PTP4A2: variants seen among roughly 807,000 people sequenced by gnomAD.
The protein encoded by PTP4A2 is protein tyrosine phosphatase type IVA 2.
Under a neutral mutation model 22.9 loss-of-function variants are expected in PTP4A2, and 2 were observed. That is an observed-to-expected ratio of 0.09 (90% CI 0.04 to 0.27). The LOEUF is 0.27. Among genes scored for constraint, PTP4A2 ranks in the 10% least tolerant of loss-of-function variants. The pLI is 1.00. For missense variants in PTP4A2, 103 were observed against 205.1 expected (o/e 0.50, Z 3.04); for synonymous variants, 68 against 69.1 (o/e 0.98, Z 0.08).
chr1:31,933,426 T>A (rs531520545), intron 1 of PTP4A2, among the ~76,000 whole-genome samples: 2 of 152,328 alleles, frequency 1.3e-5, no homozygotes, highest in South Asian at 4.1e-4. Flanking sequence ...CTGCTATCTA[T>A]TTATTGATAA....
chr1:31,932,225 A>G (rs1463189627), intron 1 of PTP4A2, among the ~76,000 whole-genome samples: 1 of 152,254 alleles, frequency 6.6e-6, no homozygotes, highest in East Asian at 1.9e-4. Flanking sequence ...ATTTTATGCC[A>G]AAAGAATTAA....
At chr1:31,918,459 G>A (rs1329124247) in intron 2 of PTP4A2, among the ~76,000 whole-genome samples, 1 of 152,146 alleles carries the variant, frequency 6.6e-6, no homozygotes, top group Non-Finnish European at 1.5e-5. Context: ...AATATCTGAA[G>A]TACATACAGA....
chr1:31,907,036 G>C lies in PTP4A2; in HGVS notation c.*1816C>G, dbSNP rs1252460324. The C allele has an allele frequency of 6.6e-6, 1 of 152,180 alleles. No individual in the cohort carries two copies. Among genetic ancestry groups the C allele is most frequent in the Admixed American group, 6.5e-5 (1 of 15,272 alleles). The allele number at this position is 152,180 out of a possible 1,614,324, so 9.4% of individuals were successfully genotyped here. ...TTTTGTTTTGTTTTCTGGGATGGGA[G>C]AGGAGAGAATCTACAGATTTGCGTT... On this transcript the variant is annotated 3_prime_UTR_variant, in exon 6 of 6. Transcript: ENST00000647444.
In PTP4A2 at chr1:31,926,144, A is replaced by AT. The variant is rs1182146912; in HGVS notation, c.-593-6487_-593-6486insA. 7.8e-5 allele frequency among the ~76,000 whole-genome samples: 11 copies of AT among 140,706 alleles called. 1 individual carries two copies. The highest frequency in any genetic ancestry group is 1.6e-4 in the African/African-American group (6 of 37,200). The allele number at this position is 140,706 out of a possible 152,430, so 92.3% of individuals were successfully genotyped here. On this transcript the variant is annotated intron_variant, in intron 1 of 5. Transcript: ENST00000647444. ...TTCCGTTTCAAAAAATTAAAAAAAA[A>AT]AAAAAATATATATATATATATATAT...
chr1:31,917,947 CAA>C (rs56791050), intron 2 of PTP4A2, among the ~76,000 whole-genome samples: 19,368 of 81,346 alleles, frequency 0.24, 1,736 homozygotes, highest in East Asian at 0.39. Flanking sequence ...CACTCCGTCT[CAA>C]AAAAAAAAAA....
At chr1:31,932,269 T>C (rs532814747) in intron 1 of PTP4A2, among the ~76,000 whole-genome samples, 15 of 152,264 alleles carry the variant, frequency 9.9e-5, no homozygotes, top group Admixed American at 6.5e-4. Flanking sequence ...AAATAAAAAA[T>C]ACTATGAGAG....
At chr1:31,915,085 C>A (rs796871671) in intron 3 of PTP4A2, among the ~76,000 whole-genome samples, 52 of 152,262 alleles carry the variant, frequency 3.4e-4, no homozygotes, top group African/African-American at 1.2e-3. Flanking sequence ...ATGGAAATTA[C>A]TTTCATTATA....
At chr1:31,928,411 A>T (rs184846411) in intron 1 of PTP4A2, among the ~76,000 whole-genome samples, 65 of 151,804 alleles carry the variant, frequency 4.3e-4, no homozygotes, top group Admixed American at 8.5e-4. Context: ...GTTAAAAAAA[A>T]TTTTTTGGCC....
intron 1 of PTP4A2, among the ~76,000 whole-genome samples, chr1:31,922,704 C>T (rs966076862): frequency 5.9e-5 from 9 of 151,702 alleles, no homozygotes; most frequent in African/African-American, 2.2e-4. Context: ...TCATGGCTCA[C>T]CGCAGCCTCA....
intron 1 of PTP4A2, among the ~76,000 whole-genome samples, chr1:31,927,044 T>C (rs542250578): frequency 1.6e-4 from 25 of 152,234 alleles, no homozygotes; most frequent in African/African-American, 6.0e-4. Flanking sequence ...GACAATGGAA[T>C]GAATAGAGTC....
At chr1:31,935,379 C>T (rs1339267204) in intron 1 of PTP4A2, among the ~76,000 whole-genome samples, 1 of 152,160 alleles carries the variant, frequency 6.6e-6, no homozygotes, top group African/African-American at 2.4e-5. Context: ...CCTAAATGAT[C>T]CCCTTGCCTC....
intron 3 of PTP4A2, among the ~76,000 whole-genome samples, chr1:31,912,631 G>A (rs554057741): frequency 1.4e-4 from 22 of 152,268 alleles, no homozygotes; most frequent in African/African-American, 5.3e-4. Flanking sequence ...AACACAAATG[G>A]GGAGTGGAGG....
chr1:31,913,577 T>C (rs1179268178), intron 3 of PTP4A2, among the ~76,000 whole-genome samples: 1 of 148,372 alleles, frequency 6.7e-6, no homozygotes, highest in Non-Finnish European at 1.5e-5. Context: ...ACAACATCTA[T>C]TTTTTTTTTT....
At chr1:31,927,208 T>C (rs1334283763) in intron 1 of PTP4A2, among the ~76,000 whole-genome samples, 1 of 152,178 alleles carries the variant, frequency 6.6e-6, no homozygotes, top group Non-Finnish European at 1.5e-5. Flanking sequence ...TGCAGCAACA[T>C]GGATGCAGCT....
intron 3 of PTP4A2, chr1:31,913,812 T>C: frequency 2.2e-6 from 1 of 456,296 alleles, no homozygotes; most frequent in Non-Finnish European, 4.4e-6. Context: ...AAACAGACTA[T>C]GGTCAATCCA....
intron 1 of PTP4A2, among the ~76,000 whole-genome samples, chr1:31,928,403 T>TA (rs1314334387): frequency 1.3e-5 from 2 of 151,518 alleles, no homozygotes; most frequent in Non-Finnish European, 2.9e-5. Context: ...TTTTTACTGT[T>TA]AAAAAAAATT....
intron 1 of PTP4A2, among the ~76,000 whole-genome samples, chr1:31,926,145 A>ATATATAT (rs1462317913): frequency 3.1e-5 from 4 of 130,792 alleles, no homozygotes; most frequent in African/African-American, 8.5e-5. Context: ...TAAAAAAAAA[A>ATATATAT]AAAAATATAT....
chr1:31,915,868 T>C (rs779969166), intron 3 of PTP4A2, 27 bp downstream of exon 3: 3 of 1,458,558 alleles, frequency 2.1e-6, no homozygotes, highest in Non-Finnish European at 2.8e-6. Flanking sequence ...CAACTTGTTT[T>C]GAAAAATTTA....
chr1:31,910,338 G>C, intron 4 of PTP4A2: 1 of 401,486 alleles, frequency 2.5e-6, no homozygotes, highest in Non-Finnish European at 4.6e-6. Context: ...ACCCAGGCCA[G>C]AGTGCAGTGG....
Sources: gnomAD v4.1 joint callset for allele counts (sites outside exome capture counted in the v4.1 genomes callset) on GRCh38, gnomAD v4.1.1 for gene constraint, MANE v1.5 for transcripts, NCBI Gene and HGNC (gene_info 2026-07-23, HGNC 2026-07-21) for gene names.